The following SLC12A9 variants were observed in gnomAD, a reference collection of about 807,000 sequenced individuals.
SLC12A9 encodes the protein solute carrier family 12 member 9, also known as CCC-interacting protein 1.
A neutral mutation model predicts 66.0 loss-of-function variants in SLC12A9; 55 were observed. The ratio of observed to expected loss-of-function variants is 0.83; its 90% confidence interval spans 0.67 to 1.04. SLC12A9 has a LOEUF of 1.04. SLC12A9 is among the 50% of genes least tolerant of loss of function. The pLI is 0.00. For missense variants in SLC12A9, 1,061 were observed against 1,241.9 expected (o/e 0.85, Z 2.19); for synonymous variants, 577 against 569.0 (o/e 1.01, Z -0.20).
intron 1 of SLC12A9, chr7:100,827,109 G>T: frequency 6.8e-7 from 1 of 1,478,018 alleles, no homozygotes; most frequent in Non-Finnish European, 9.2e-7. Context: ...CCCTGGGCGG[G>T]TGGACGCCGA....
chr7:100,832,829 G>A (rs1813567973), intron 1 of SLC12A9, among the ~76,000 whole-genome samples: 1 of 151,594 alleles, frequency 6.6e-6, no homozygotes, highest in African/African-American at 2.4e-5. Flanking sequence ...ATGCTGGAGT[G>A]CAGTGGCACG....
At chr7:100,846,766 C>T (rs1320032132) in intron 1 of SLC12A9, among the ~76,000 whole-genome samples, 2 of 152,270 alleles carry the variant, frequency 1.3e-5, no homozygotes, top group Middle Eastern at 3.4e-3. Context: ...TGCCCAATTT[C>T]TGCCTCCAAA....
At chr7:100,860,620 CTTTGGAGG>C in intron 9 of SLC12A9, 3 of 360,462 alleles carry the variant, frequency 8.3e-6, no homozygotes, top group South Asian at 7.1e-5. Flanking sequence ...TTCACTGATA[CTTTGGAGG>C]TTTGGTGGCA....
chr7:100,854,865 T>G, intron 3 of SLC12A9, 111 bp downstream of exon 3: 1 of 1,473,834 alleles, frequency 6.8e-7, no homozygotes, highest in Non-Finnish European at 9.1e-7. Flanking sequence ...GTTTTTTTCA[T>G]TCTTAAAATT....
intron 1 of SLC12A9, among the ~76,000 whole-genome samples, chr7:100,842,928 C>G (rs1250157681): frequency 6.6e-6 from 1 of 152,264 alleles, no homozygotes; most frequent in African/African-American, 2.4e-5. Flanking sequence ...GCGGGTCAGC[C>G]CCTGAGGGCC....
intron 3 of SLC12A9, 106 bp downstream of exon 3, chr7:100,854,860 T>C (rs1562988954): frequency 6.7e-7 from 1 of 1,495,376 alleles, no homozygotes; most frequent in Non-Finnish European, 9.0e-7. Flanking sequence ...CAAGTGTTTT[T>C]TTCATTCTTA....
intron 1 of SLC12A9, 109 bp from the exon 2 acceptor site, chr7:100,854,047 A>C: frequency 1.5e-6 from 1 of 653,070 alleles, no homozygotes; most frequent in Non-Finnish European, 2.4e-6. Context: ...TATTTTTAGT[A>C]GAGAGCAGCT....
At chr7:100,832,703 TATG>T (rs1425501250) in intron 1 of SLC12A9, among the ~76,000 whole-genome samples, 2 of 152,248 alleles carry the variant, frequency 1.3e-5, no homozygotes, top group African/African-American at 4.8e-5. Flanking sequence ...GTATAATATT[TATG>T]ATATTTGTCA....
At position 100,833,220 on chromosome 7, in the gene SLC12A9, ACAC is replaced by A. The variant is rs536388065; in HGVS notation, n.228+6175_228+6177del. 2.2e-4 allele frequency among the ~76,000 whole-genome samples: 34 copies of A among 152,242 alleles called. No individual in the cohort carries two copies. In the South Asian group the frequency reaches 5.8e-3, roughly 26 times the overall value. On this transcript the variant is annotated intron_variant and non_coding_transcript_variant, in intron 1 of 1. Transcript: ENST00000461016. ...AAAAAAAGGCTGGGCGCAGTGGCTC[ACAC>A]CTGTAATCTTAGCACTTTGGGAGGC...
upstream of SLC12A9, among the ~76,000 whole-genome samples, chr7:100,848,800 C>T (rs553399780): frequency 3.3e-5 from 5 of 151,714 alleles, no homozygotes; most frequent in African/African-American, 1.2e-4. Flanking sequence ...GCAGGAGAAT[C>T]GCTTCAACCT....
At chr7:100,828,643 C>G (rs530092422) in intron 1 of SLC12A9, among the ~76,000 whole-genome samples, 1 of 151,408 alleles carries the variant, frequency 6.6e-6, no homozygotes, top group African/African-American at 2.4e-5. Flanking sequence ...CTCTCACTCT[C>G]GTGTTTTGGG....
chr7:100,845,720 A>G (rs1455221475), intron 1 of SLC12A9, among the ~76,000 whole-genome samples: 1 of 152,198 alleles, frequency 6.6e-6, no homozygotes, highest in Non-Finnish European at 1.5e-5. Context: ...TTCCCTGTCT[A>G]TGCTTCCCGT....
rs534259350 is a variant in SLC12A9, at chr7:100,832,977, T to C, written n.228+5930T>C. On this transcript the variant is annotated intron_variant and non_coding_transcript_variant, in intron 1 of 1. Coordinates refer to the SLC12A9 transcript ENST00000461016. ...TGTTTGTACAGACAGGGTCTCACTA[T>C]GTTGCGCAGGCTGGTCTTGAACTCT... 1.7e-3 allele frequency among the ~76,000 whole-genome samples: 265 copies of C among 152,246 alleles called. 1 individual carries two copies. The highest frequency in any genetic ancestry group is 5.4e-3 in the African/African-American group (225 of 41,564).
chr7:100,840,889 G>A (rs916569874), intron 1 of SLC12A9, among the ~76,000 whole-genome samples: 3 of 138,744 alleles, frequency 2.2e-5, no homozygotes, highest in African/African-American at 3.4e-5. Context: ...AAACAAAGCC[G>A]TATCCGAAAG....
intron 9 of SLC12A9, 176 bp from the exon 10 acceptor site, chr7:100,860,962 A>G (rs1814711493): frequency 8.6e-7 from 1 of 1,160,570 alleles, no homozygotes; most frequent in Non-Finnish European, 1.2e-6. Flanking sequence ...GGGGTTTAAT[A>G]GCATTTTGGG....
Position 100,865,791 on chromosome 7 carries a change from A to T in SLC12A9, c.1931A>T (p.Asp644Val). ...CCACCGCAGGACCATTTCCTGACGGACCCGGCTTTCTCTGAGCCTGCAGAC... is the reference window on the plus strand; with the variant it reads ...CCACCGCAGGACCATTTCCTGACGGTCCCGGCTTTCTCTGAGCCTGCAGAC... ...DAPPQDHFLT[D>V]PAFSEPADST... Residue 644 changes from aspartate to valine, a missense_variant, in exon 14 of 14, where the codon GAC (aspartate) becomes GTC (valine). Asp to Val is a radical substitution (Grantham distance 152). Transcript: ENST00000354161. 6.2e-7 allele frequency: 1 copy of T among 1,613,968 alleles called. No individual in the cohort carries two copies. The highest frequency in any genetic ancestry group is 2.2e-5 in the East Asian group (1 of 44,860).
At chr7:100,836,525 C>A (rs372637761) in intron 1 of SLC12A9, among the ~76,000 whole-genome samples, 4 of 152,244 alleles carry the variant, frequency 2.6e-5, no homozygotes, top group African/African-American at 9.6e-5. Flanking sequence ...TGCGCCACAG[C>A]CCAGCAACCT....
rs1814239368 is a variant in SLC12A9, at chr7:100,854,140, A to G, written c.-42-16A>G. The stretch of plus-strand genomic sequence containing the variant: ...TCTGTGGGGGAGCTTTTGATGCAAC[A>G]TAATCTCCTTTGCAGGTCACCTAAC... On this transcript the variant is annotated splice_polypyrimidine_tract_variant and intron_variant, in intron 1 of 13. Transcript: ENST00000354161. 1 of 1,473,994 alleles carries G rather than the reference A, an allele frequency of 6.8e-7. No homozygotes were observed. The highest frequency in any genetic ancestry group is 9.0e-7 in the Non-Finnish European group (1 of 1,112,526). The allele number at this position is 1,473,994 out of a possible 1,614,324, so 91.3% of individuals were successfully genotyped here.
intron 9 of SLC12A9, 147 bp from the exon 10 acceptor site, chr7:100,860,991 G>T: frequency 7.1e-7 from 1 of 1,412,822 alleles, no homozygotes. Context: ...GACACTTTGG[G>T]GGTGCACTGG....
Sources: allele counts gnomAD v4.1 joint callset (sites outside exome capture counted in the v4.1 genomes callset), GRCh38; gene constraint gnomAD v4.1.1; transcripts MANE v1.5; gene names NCBI Gene and HGNC (gene_info 2026-07-23, HGNC 2026-07-21).